The following CDH23 variants were observed in gnomAD, a reference collection of about 807,000 sequenced individuals.
The protein encoded by CDH23 is cadherin-23.
Under a neutral mutation model 317.1 loss-of-function variants are expected in CDH23, and 189 were observed. The ratio of observed to expected loss-of-function variants is 0.60; its 90% CI spans 0.53 to 0.67. The LOEUF (loss-of-function observed/expected upper bound fraction) is 0.67. Among genes scored for constraint, CDH23 ranks in the 30% least tolerant of loss-of-function variants. The probability of loss-of-function intolerance (pLI) is 0.00; values close to 1 mark genes in which losing one functional copy is unlikely to be tolerated. For synonymous variants in CDH23, 1,839 were observed against 1,876.8 expected (o/e 0.98, Z 0.52); for missense variants, 4,401 against 4,592.4 (o/e 0.96, Z 1.20).
chr10:71,543,724 T>A (rs900975484), intron 6 of CDH23, among the ~76,000 whole-genome samples: 1 of 152,248 alleles, frequency 6.6e-6, no homozygotes, highest in African/African-American at 2.4e-5. Context: ...TCAGGCTCTA[T>A]AGAGTTCAGG....
chr10:71,532,436 G>A lies in CDH23; in HGVS notation c.429+21224G>A, dbSNP rs530157759. ...AGGCCCTTCTTTAGGAGCACTGAGC[G>A]TCAGGGGTGGAGGGGAGCTGGTGGA... On this transcript the variant is annotated intron_variant, in intron 6 of 69. Coordinates refer to ENST00000224721, the MANE Select transcript of CDH23 (RefSeq NM_022124.6). 1.3e-4 allele frequency among the ~76,000 whole-genome samples: 20 copies of A among 152,324 alleles called. 1 individual carries two copies. Among genetic ancestry groups the A allele is most frequent in the South Asian group, 6.2e-4 (3 of 4,826 alleles).
At chr10:71,810,196 C>A in intron 61 of CDH23, 120 bp downstream of exon 61, 1 of 1,219,108 alleles carries the variant, frequency 8.2e-7, no homozygotes, top group Non-Finnish European at 1.2e-6. Flanking sequence ...ATAGTCCCTA[C>A]TTAGTCATTT....
chr10:71,519,585 G>A (rs1340272621), intron 6 of CDH23, among the ~76,000 whole-genome samples: 1 of 152,208 alleles, frequency 6.6e-6, no homozygotes, highest in Admixed American at 6.5e-5. Flanking sequence ...TTGTGATGGG[G>A]CTGTGCACAT....
chr10:71,480,847 C>T (rs2394800), intron 3 of CDH23, among the ~76,000 whole-genome samples: 22,959 of 151,736 alleles, frequency 0.15, 1,833 homozygotes, highest in East Asian at 0.22. Context: ...CTCGATAGCA[C>T]TTGCCAAAGG....
chr10:71,530,066 C>T (rs1855279503), intron 6 of CDH23, among the ~76,000 whole-genome samples: 1 of 151,672 alleles, frequency 6.6e-6, no homozygotes, highest in Non-Finnish European at 1.5e-5. Flanking sequence ...CACACACACA[C>T]ACACTCTCCC....
At chr10:71,470,363 C>A (rs1010940533) in intron 3 of CDH23, among the ~76,000 whole-genome samples, 1 of 152,204 alleles carries the variant, frequency 6.6e-6, no homozygotes, top group African/African-American at 2.4e-5. Flanking sequence ...GTTGTGCAAC[C>A]ATCACCACTG....
intron 8 of CDH23, among the ~76,000 whole-genome samples, chr10:71,572,939 G>C (rs940398190): frequency 2.0e-5 from 3 of 152,188 alleles, no homozygotes; most frequent in African/African-American, 7.2e-5. Flanking sequence ...AGGCCAACTA[G>C]ATTGAAGTAT....
intron 9 of CDH23, among the ~76,000 whole-genome samples, chr10:71,601,963 G>A (rs577562752): frequency 4.9e-4 from 22 of 45,016 alleles, no homozygotes; most frequent in African/African-American, 6.2e-4. Flanking sequence ...GGCGGCGGAG[G>A]GGGGGGGGCT....
intron 35 of CDH23, 116 bp from the exon 36 acceptor site, chr10:71,739,527 GC>G: frequency 1.6e-6 from 2 of 1,278,346 alleles, no homozygotes; most frequent in Non-Finnish European, 2.1e-6. Context: ...ACTCCCAAAA[GC>G]CCTTGCTCAA....
chr10:71,663,139 G>C (rs140482446), intron 14 of CDH23, among the ~76,000 whole-genome samples: 1 of 152,176 alleles, frequency 6.6e-6, no homozygotes, highest in South Asian at 2.1e-4. Flanking sequence ...GGTCACATTT[G>C]TGGGTCCCAG....
At chr10:71,652,141 T>C (rs1400566300) in intron 14 of CDH23, among the ~76,000 whole-genome samples, 1 of 152,194 alleles carries the variant, frequency 6.6e-6, no homozygotes, top group East Asian at 1.9e-4. Flanking sequence ...CAGGACCAGC[T>C]TGTGGTTTGC....
intron 49 of CDH23, 98 bp downstream of exon 49, chr10:71,797,318 C>A: frequency 2.5e-6 from 2 of 793,802 alleles, no homozygotes; most frequent in Non-Finnish European, 4.1e-6. Context: ...AGGGAGGGAG[C>A]AACAAGACCC....
chr10:71,468,864 C>T (rs1851377335), intron 3 of CDH23, among the ~76,000 whole-genome samples: 1 of 152,184 alleles, frequency 6.6e-6, no homozygotes, highest in South Asian at 2.1e-4. Context: ...CGCCTCTGTT[C>T]CTCACCTGCT....
intron 14 of CDH23, chr10:71,647,754 GC>G (rs1005052145): frequency 6.6e-6 from 1 of 152,238 alleles, no homozygotes; most frequent in Non-Finnish European, 1.5e-5. Context: ...GTTGGGGTCA[GC>G]CCCGCCTGAA....
At chr10:71,469,429 C>T (rs1005037790) in intron 3 of CDH23, among the ~76,000 whole-genome samples, 1 of 152,146 alleles carries the variant, frequency 6.6e-6, no homozygotes, top group Non-Finnish European at 1.5e-5. Flanking sequence ...TTCCACTTAG[C>T]GTAATTATTT....
intron 3 of CDH23, among the ~76,000 whole-genome samples, chr10:71,474,417 T>G (rs1199307574): frequency 6.6e-6 from 1 of 152,200 alleles, no homozygotes; most frequent in East Asian, 1.9e-4. Flanking sequence ...AGAGACCACC[T>G]TAGCCCACAG....
chr10:71,458,037 C>T (rs1272814711), intron 3 of CDH23, among the ~76,000 whole-genome samples: 1 of 152,208 alleles, frequency 6.6e-6, no homozygotes, highest in Non-Finnish European at 1.5e-5. Context: ...AACACTTGGA[C>T]TCCCTAGTAA....
At chr10:71,779,192 C>A in intron 40 of CDH23, 75 bp from the exon 41 acceptor site, 1 of 1,404,974 alleles carries the variant, frequency 7.1e-7, no homozygotes, top group Non-Finnish European at 1.0e-6. Flanking sequence ...AGGTCCATTT[C>A]ACAGAGGAAG....
chr10:71,437,368 A>G (rs997056722), intron 1 of CDH23, among the ~76,000 whole-genome samples: 1 of 152,250 alleles, frequency 6.6e-6, no homozygotes, highest in African/African-American at 2.4e-5. Context: ...ACCTGGAAAC[A>G]TCCAAATGCC....
Sources: allele counts gnomAD v4.1 joint callset (sites outside exome capture counted in the v4.1 genomes callset), GRCh38; gene constraint gnomAD v4.1.1; transcripts MANE v1.5; gene names NCBI Gene and HGNC (gene_info 2026-07-23, HGNC 2026-07-21).